Variants in TOP6BL observed in about 807,000 individuals in gnomAD.
TOP6BL encodes the protein type 2 DNA topoisomerase 6 subunit B-like.
chr11:66,799,597 A>G, the TOP6BL span, among the ~76,000 whole-genome samples: 2 of 151,764 alleles, frequency 1.3e-5, no homozygotes, highest in African/African-American at 4.8e-5. Context: ...CTGTAGTCCC[A>G]GCTACTCGGG....
chr11:66,757,712 A>G, the TOP6BL span, among the ~76,000 whole-genome samples: 2 of 151,996 alleles, frequency 1.3e-5, no homozygotes, highest in Non-Finnish European at 2.9e-5. Context: ...TCAGTCTCCC[A>G]AGTAGCTGGG....
At chr11:66,801,809 G>A in the TOP6BL span, among the ~76,000 whole-genome samples, 3 of 151,962 alleles carry the variant, frequency 2.0e-5, no homozygotes, top group African/African-American at 7.2e-5. Context: ...GCACTCCAGC[G>A]ACAGAGCAAG....
chr11:66,777,035 T>C, the TOP6BL span, among the ~76,000 whole-genome samples: 2 of 146,488 alleles, frequency 1.4e-5, no homozygotes, highest in African/African-American at 4.9e-5. Flanking sequence ...TTAATACTGT[T>C]GTAATCACTA....
the TOP6BL span, among the ~76,000 whole-genome samples, chr11:66,830,192 A>C: frequency 1.2e-4 from 18 of 152,368 alleles, no homozygotes; most frequent in South Asian, 3.5e-3. Context: ...AAAAGATCTA[A>C]GTCATAAAAG....
chr11:66,757,127 G>A, the TOP6BL span, among the ~76,000 whole-genome samples: 1 of 151,982 alleles, frequency 6.6e-6, no homozygotes, highest in Non-Finnish European at 1.5e-5. Context: ...TGGATTGCTT[G>A]AGGTCAGGAG....
At chr11:66,752,159 T>A in the TOP6BL span, among the ~76,000 whole-genome samples, 9 of 151,304 alleles carry the variant, frequency 5.9e-5, no homozygotes, top group South Asian at 2.1e-4. Flanking sequence ...TTTTTTTTTT[T>A]ACTTGGCTTA....
chr11:66,748,665 G>A, the TOP6BL span: 1 of 653,370 alleles, frequency 1.5e-6, no homozygotes, highest in Non-Finnish European at 2.4e-6. Flanking sequence ...ATAAGTGTCT[G>A]GTGGTAGATT....
At chr11:66,755,731 G>A in the TOP6BL span, among the ~76,000 whole-genome samples, 2 of 152,214 alleles carry the variant, frequency 1.3e-5, no homozygotes, top group Admixed American at 1.3e-4. Flanking sequence ...GGTATGGTTG[G>A]TTTGCTCTGG....
chr11:66,816,983 A>G, the TOP6BL span, among the ~76,000 whole-genome samples: 2 of 152,084 alleles, frequency 1.3e-5, no homozygotes, highest in African/African-American at 2.4e-5. Flanking sequence ...GCGAAACCCC[A>G]TCTCTACTAA....
At chr11:66,840,353 T>A in the TOP6BL span, among the ~76,000 whole-genome samples, 1 of 152,136 alleles carries the variant, frequency 6.6e-6, no homozygotes, top group Non-Finnish European at 1.5e-5. Flanking sequence ...ACTTGCACCC[T>A]CCCACTGCAG....
chr11:66,785,738 G>C, the TOP6BL span, among the ~76,000 whole-genome samples: 2 of 152,206 alleles, frequency 1.3e-5, no homozygotes, highest in Non-Finnish European at 2.9e-5. Context: ...CCCCTTGGCT[G>C]TAACCAACAT....
At chr11:66,762,967 G>A in the TOP6BL span, among the ~76,000 whole-genome samples, 19 of 152,194 alleles carry the variant, frequency 1.2e-4, no homozygotes, top group Admixed American at 2.0e-4. Context: ...CACTTCGGGA[G>A]GACAAGATGG....
At chr11:66,773,777 C>T in the TOP6BL span, among the ~76,000 whole-genome samples, 2 of 152,080 alleles carry the variant, frequency 1.3e-5, no homozygotes, top group African/African-American at 4.8e-5. Context: ...CGCTCTGTTG[C>T]TCAGGCTGGA....
the TOP6BL span, among the ~76,000 whole-genome samples, chr11:66,749,857 C>T: frequency 1.1e-4 from 17 of 152,128 alleles, no homozygotes; most frequent in Non-Finnish European, 2.2e-4. Flanking sequence ...GGATTACAAA[C>T]GTGAGCTACC....
chr11:66,787,595 C>G, the TOP6BL span, among the ~76,000 whole-genome samples: 21 of 150,156 alleles, frequency 1.4e-4, no homozygotes, highest in Non-Finnish European at 2.7e-4. Flanking sequence ...TGGTGCATGC[C>G]TCTAATCCCA....
At chr11:66,800,776 G>A in the TOP6BL span, 1 of 1,290,788 alleles carries the variant, frequency 7.7e-7, no homozygotes, top group Non-Finnish European at 1.1e-6. Context: ...ATTTCCAAAA[G>A]GTTCACAGTT....
the TOP6BL span, chr11:66,843,190 G>A: frequency 5.0e-6 from 8 of 1,611,146 alleles, no homozygotes; most frequent in East Asian, 2.2e-5. Context: ...GCTGCAGGAG[G>A]TCTCCAACCT....
the TOP6BL span, among the ~76,000 whole-genome samples, chr11:66,817,159 T>C: frequency 1.3e-5 from 2 of 151,568 alleles, no homozygotes; most frequent in Non-Finnish European, 2.9e-5. Context: ...TCTCAAGAAA[T>C]AAAATAAAAT....
chr11:66,804,235 G>A, the TOP6BL span: 8 of 1,477,320 alleles, frequency 5.4e-6, no homozygotes, highest in South Asian at 1.0e-4. Flanking sequence ...TTTGAAATGG[G>A]TTTTTATATC....
Sources: allele counts gnomAD v4.1 joint callset (sites outside exome capture counted in the v4.1 genomes callset), GRCh38; gene constraint gnomAD v4.1.1; transcripts MANE v1.5; gene names NCBI Gene and HGNC (gene_info 2026-07-23, HGNC 2026-07-21).